The following SULF1 variants were observed in gnomAD, a reference collection of about 807,000 sequenced individuals.
SULF1 encodes sulfatase 1, also known as extracellular sulfatase Sulf-1.
In SULF1, 46 loss-of-function variants were observed where a neutral mutation model predicts 110.5. That is an observed-to-expected ratio of 0.42 (90% confidence interval 0.33 to 0.53). The LOEUF is 0.53. Ranked by LOEUF, SULF1 falls within the 20% of genes least tolerant of loss-of-function variation. The pLI, the probability that SULF1 is intolerant of heterozygous loss-of-function variation, is 0.12. For missense variants in SULF1, 941 were observed against 1,094.2 expected (o/e 0.86, Z 1.98); for synonymous variants, 371 against 387.1 (o/e 0.96, Z 0.49).
intron 3 of SULF1, among the ~76,000 whole-genome samples, chr8:69,542,172 C>T (rs1160404801): frequency 1.3e-5 from 2 of 152,116 alleles, no homozygotes; most frequent in African/African-American, 4.8e-5. Context: ...TCCTCATTGA[C>T]ATAACTTCTG....
rs187288129 is a variant in SULF1, at chr8:69,499,106, G to A, written c.-228-2768G>A. On this transcript the variant is annotated intron_variant, in intron 2 of 22. Coordinates refer to ENST00000402687, the MANE Select transcript of SULF1 (RefSeq NM_001128205.2). ...ACTCCTGACTTCAAGCAATCTGCCC[G>A]CCTCGGCCTCCCAAACTGCTGGGAT... Among the ~76,000 whole-genome samples, 364 of 152,148 alleles carry A rather than the reference G, an allele frequency of 2.4e-3. 4 individuals carry two copies. Among genetic ancestry groups the A allele is most frequent in the African/African-American group, 8.4e-3 (348 of 41,528 alleles).
chr8:69,529,595 T>G (rs748814929), intron 3 of SULF1, among the ~76,000 whole-genome samples: 1 of 152,192 alleles, frequency 6.6e-6, no homozygotes, highest in African/African-American at 2.4e-5. Context: ...AAATCTTTTA[T>G]GAGGTTGCAG....
chr8:69,568,140 C>T (rs1405700813), intron 5 of SULF1, among the ~76,000 whole-genome samples: 3 of 152,160 alleles, frequency 2.0e-5, no homozygotes, highest in Non-Finnish European at 4.4e-5. Context: ...TAAATCTTCA[C>T]CTAATGCAAA....
chr8:69,604,925 C>A lies in SULF1; in HGVS notation c.1370C>A (p.Pro457Gln). 9 of 1,614,114 alleles carry A rather than the reference C, an allele frequency of 5.6e-6. No homozygotes were observed. The highest frequency in any genetic ancestry group is 7.6e-6 in the Non-Finnish European group (9 of 1,180,006). ...AGGTACCAGACAGCCTGTGAACAAC[C>A]GGGGCAGGTGAGTGACGCAGGCTTT... The part of the protein sequence containing the change: ...QARYQTACEQ[P>Q]GQKWQCIEDT... Residue 457 changes from proline to glutamine, a missense_variant, in exon 13 of 23, where the codon CCG (proline) becomes CAG (glutamine). Pro to Gln is a moderately conservative substitution (Grantham distance 76). Transcript: ENST00000402687.
chr8:69,555,042 G>C (rs1170874216), intron 3 of SULF1, among the ~76,000 whole-genome samples: 1 of 138,358 alleles, frequency 7.2e-6, no homozygotes, highest in Non-Finnish European at 1.5e-5. Flanking sequence ...GCATTTTAAA[G>C]TTTCCTTGAA....
chr8:69,611,305 G>A (rs1208244295), intron 13 of SULF1, among the ~76,000 whole-genome samples: 1 of 152,166 alleles, frequency 6.6e-6, no homozygotes, highest in African/African-American at 2.4e-5. Context: ...TCATTTTCTA[G>A]GAATTACAAT....
At chr8:69,487,882 C>T (rs1317507896), upstream of SULF1, among the ~76,000 whole-genome samples, 5 of 152,090 alleles carry the variant, frequency 3.3e-5, no homozygotes, top group Admixed American at 6.5e-5. Context: ...GAACGTGTGT[C>T]GAAAAGCATG....
chr8:69,555,116 A>G (rs1053435176), intron 3 of SULF1, among the ~76,000 whole-genome samples: 11 of 151,894 alleles, frequency 7.2e-5, no homozygotes, highest in Non-Finnish European at 1.5e-4. Flanking sequence ...TTCTCCTGTA[A>G]GTAATACATT....
intron 3 of SULF1, among the ~76,000 whole-genome samples, chr8:69,557,301 T>C (rs1815179561): frequency 6.6e-6 from 1 of 152,250 alleles, no homozygotes; most frequent in African/African-American, 2.4e-5. Flanking sequence ...TTGTAACATA[T>C]GCTTCAGGAA....
intron 3 of SULF1, among the ~76,000 whole-genome samples, chr8:69,516,700 AT>A: frequency 6.6e-6 from 1 of 152,336 alleles, no homozygotes; most frequent in Non-Finnish European, 1.5e-5. Context: ...CTGAGATAGA[AT>A]CTTTGTTGAT....
intron 3 of SULF1, among the ~76,000 whole-genome samples, chr8:69,524,118 A>C (rs1041454796): frequency 1.3e-5 from 2 of 151,776 alleles, no homozygotes; most frequent in Non-Finnish European, 2.9e-5. Flanking sequence ...AAGAAAGCTA[A>C]GAGATTTGAG....
chr8:69,644,654 G>A (rs1021973415), intron 22 of SULF1, among the ~76,000 whole-genome samples: 3 of 151,702 alleles, frequency 2.0e-5, no homozygotes, highest in African/African-American at 2.4e-5. Flanking sequence ...GCATGGTGGC[G>A]GGAGGCTGAG....
At chr8:69,568,123 G>A (rs1223092401) in intron 5 of SULF1, among the ~76,000 whole-genome samples, 1 of 152,308 alleles carries the variant, frequency 6.6e-6, no homozygotes. Flanking sequence ...TTTGCCAAGT[G>A]CTTTAATAAA....
At chr8:69,527,779 ATG>A (rs1036425273) in intron 3 of SULF1, among the ~76,000 whole-genome samples, 1 of 152,052 alleles carries the variant, frequency 6.6e-6, no homozygotes, top group South Asian at 2.1e-4. Context: ...GCAAGTGTGT[ATG>A]TGTGTGTGTG....
chr8:69,657,716 G>T (rs1302729028), intron 22 of SULF1, among the ~76,000 whole-genome samples: 1 of 152,160 alleles, frequency 6.6e-6, no homozygotes, highest in African/African-American at 2.4e-5. Flanking sequence ...TTGCTGGTCT[G>T]TATGGCTTTA....
chr8:69,561,133 A>C (rs1815454818), intron 3 of SULF1, among the ~76,000 whole-genome samples: 1 of 152,240 alleles, frequency 6.6e-6, no homozygotes, highest in Non-Finnish European at 1.5e-5. Context: ...AAATGTTATC[A>C]CTACAAAAAA....
At chr8:69,622,430 A>G (rs1004726080) in intron 14 of SULF1, among the ~76,000 whole-genome samples, 3 of 152,106 alleles carry the variant, frequency 2.0e-5, no homozygotes, top group African/African-American at 7.2e-5. Context: ...ATTACAAAAA[A>G]AATTAGCTGG....
At position 69,601,786 on chromosome 8, in the gene SULF1, G is replaced by T. The variant is rs772332200; in HGVS notation, c.1018G>T (p.Val340Leu). 1 of 1,611,342 alleles carries T rather than the reference G, an allele frequency of 6.2e-7. No homozygotes were observed. The highest frequency in any genetic ancestry group is 8.5e-7 in the Non-Finnish European group (1 of 1,178,980). Reference sequence around the variant, plus strand: ...CATGCCATATGACTTTGATATTCGTGTGCCTTTTTTTATTCGTGGTCCAAG... The same window carrying T: ...CATGCCATATGACTTTGATATTCGTTTGCCTTTTTTTATTCGTGGTCCAAG... The part of the protein sequence containing the change: ...KSMPYDFDIR[V>L]PFFIRGPSVE... The change falls in exon 10 of 23, where the codon GTG becomes TTG. Residue 340 changes from valine to leucine, a missense_variant. This residue lies in a region of SULF1 where 822 missense variants were observed against 934.3 expected (regional missense o/e 0.88). Coordinates refer to ENST00000402687, the MANE Select transcript of SULF1 (RefSeq NM_001128205.2).
At chr8:69,650,102 C>T (rs1812220261) in intron 22 of SULF1, among the ~76,000 whole-genome samples, 1 of 148,614 alleles carries the variant, frequency 6.7e-6, no homozygotes, top group South Asian at 2.1e-4. Flanking sequence ...CTCAAGGGAT[C>T]CTGCCACCTC....
Sources: gnomAD v4.1 joint callset for allele counts (sites outside exome capture counted in the v4.1 genomes callset) on GRCh38, gnomAD v4.1.1 for gene constraint, gnomAD v4.1.1 regional missense constraint, MANE v1.5 for transcripts, NCBI Gene and HGNC (gene_info 2026-07-23, HGNC 2026-07-21) for gene names.